ANK1: variants seen among roughly 807,000 people sequenced by gnomAD.
ANK1 encodes ankyrin-1.
Under a neutral mutation model 210.4 loss-of-function variants are expected in ANK1, and 51 were observed. The observed-to-expected ratio is 0.24, with a 90% CI of 0.19 to 0.31. ANK1 has a LOEUF of 0.31. Ranked by LOEUF, ANK1 falls within the 10% of genes least tolerant of loss-of-function variation. The pLI, the probability that ANK1 is intolerant of heterozygous loss-of-function variation, is 1.00. For synonymous variants in ANK1, 967 were observed against 1,025.9 expected (o/e 0.94, Z 1.10); for missense variants, 2,051 against 2,504.4 (o/e 0.82, Z 3.86).
chr8:41,800,364 C>A (rs569084961), upstream of ANK1, among the ~76,000 whole-genome samples: 2 of 152,280 alleles, frequency 1.3e-5, no homozygotes, highest in South Asian at 4.2e-4. Flanking sequence ...ATTAAGAGAG[C>A]TACTTAAGAA....
intron 1 of ANK1, among the ~76,000 whole-genome samples, chr8:41,846,251 G>A (rs1326339280): frequency 6.6e-6 from 1 of 152,242 alleles, no homozygotes. Context: ...GCACAGTCCA[G>A]GGTCCTGCCG....
chr8:41,788,984 C>T (rs909307242), intron 1 of ANK1: 1 of 152,276 alleles, frequency 6.6e-6, no homozygotes, highest in Non-Finnish European at 1.5e-5. Context: ...CCACACTTTT[C>T]ATGAGGCTTT....
At chr8:41,700,408 A>G in intron 22 of ANK1, 1 of 1,611,424 alleles carries the variant, frequency 6.2e-7, no homozygotes, top group Non-Finnish European at 8.5e-7. Flanking sequence ...AAAAGACCAC[A>G]GTAAACAGAA....
intron 1 of ANK1, among the ~76,000 whole-genome samples, chr8:41,794,159 A>G (rs1848288351): frequency 6.6e-6 from 1 of 152,218 alleles, no homozygotes; most frequent in South Asian, 2.1e-4. Flanking sequence ...TACAAATACT[A>G]TCTAATGCTT....
chr8:41,837,552 G>A (rs1230161657), intron 1 of ANK1, among the ~76,000 whole-genome samples: 2 of 152,198 alleles, frequency 1.3e-5, no homozygotes, highest in Non-Finnish European at 2.9e-5. Context: ...CATTTAGCCA[G>A]TCCATGCACA....
In ANK1 at chr8:41,696,690, G is replaced by C. The variant is rs1821081074; in HGVS notation, c.2721C>G (p.Ser907Arg). The change falls in exon 25 of 43, where the codon AGC (serine) becomes AGG (arginine). Residue 907 changes from serine (S) to arginine (R), a missense_variant. This residue lies in a region of ANK1 where 1,413 missense variants were observed against 1,707.4 expected (regional missense o/e 0.83). Transcript: ENST00000289734. ...CCGCCACTCACCCTGTATGCACCGG[G>C]CTGGCCACCGGGCTGATGTTGTCTG... ...ETSDNISPVA[S>R]PVHTGFLVSF... The C allele has an allele frequency of 1.2e-6, 2 of 1,603,690 alleles. No homozygotes were observed. Among genetic ancestry groups the C allele is most frequent in the Non-Finnish European group, 1.7e-6 (2 of 1,179,916 alleles).
chr8:41,817,138 T>C (rs975442363), intron 1 of ANK1, among the ~76,000 whole-genome samples: 6 of 152,158 alleles, frequency 3.9e-5, no homozygotes, highest in Non-Finnish European at 5.9e-5. Flanking sequence ...CCCTGAAGTT[T>C]GCACTTCAAG....
chr8:41,704,550 T>C lies in ANK1; in HGVS notation c.2098-78A>G, dbSNP rs1586271749. 2 of 1,303,634 alleles carry C rather than the reference T, an allele frequency of 1.5e-6. No homozygotes were observed. The highest frequency in any genetic ancestry group is 4.6e-5 in the East Asian group (2 of 43,234). 80.8% of individuals were successfully genotyped at this position (1,303,634 alleles called of 1,614,324 possible). ...ATGAAATCCTTCCCAAAGCAGCTGA[T>C]TCAAAGAGAGAACGGACAGGGAGCC... On this transcript the variant is annotated intron_variant, in intron 18 of 42. Coordinates refer to ENST00000289734, the MANE Select transcript of ANK1 (RefSeq NM_000037.4). The surrounding 1 kb of genome is among the most constrained non-coding windows in gnomAD (Gnocchi z 4.1).
chr8:41,658,939 C>T (rs932463675), intron 42 of ANK1, among the ~76,000 whole-genome samples: 1 of 143,370 alleles, frequency 7.0e-6, no homozygotes, highest in Non-Finnish European at 1.6e-5. Flanking sequence ...AATAAATAGT[C>T]GCTGTGAACA....
In ANK1 at chr8:41,690,142, G is replaced by A. The variant is rs2278621; in HGVS notation, c.4104+85C>T. On this transcript the variant is annotated intron_variant, in intron 33 of 42. Transcript: ENST00000289734. ...AGCTTCCACCAGGAAGAAGCCCCTTGGAAGTGCTGGACCTGGGGTCTGTTT... is the reference window on the plus strand; with the variant it reads ...AGCTTCCACCAGGAAGAAGCCCCTTAGAAGTGCTGGACCTGGGGTCTGTTT... The A allele has an allele frequency of 0.22, 350,964 of 1,590,684 alleles. 40,992 individuals carry two copies. The highest frequency in any genetic ancestry group is 0.35 in the Middle Eastern group (1,709 of 4,920).
chr8:41,661,540 G>C lies in ANK1; in HGVS notation c.5569C>G (p.Gln1857Glu). ...EEVELRGSGLQPDLIEGRKGA... is the reference protein window; with the variant it reads ...EEVELRGSGLEPDLIEGRKGA... ...TTCCTGCCCTCTATCAGGTCCGGCT[G>C]TAGGCCACTCCCTCTCAGCTCCACC... The change falls in exon 42 of 43, where the codon CAG becomes GAG. Residue 1857 changes from glutamine to glutamate, a missense_variant. Gln to Glu is a conservative substitution (Grantham distance 29, BLOSUM62 2). Around this residue, in one of 6 missense-constraint regions of ANK1, gnomAD observed 496 missense variants for 533.4 expected, o/e 0.93. Coordinates refer to ENST00000289734, the MANE Select transcript of ANK1 (RefSeq NM_000037.4). 6.2e-7 allele frequency: 1 copy of C among 1,614,042 alleles called. No individual in the cohort carries two copies. The highest frequency in any genetic ancestry group is 1.1e-5 in the South Asian group (1 of 91,080).
intron 1 of ANK1, among the ~76,000 whole-genome samples, chr8:41,886,181 G>GT (rs1190493921): frequency 1.3e-5 from 2 of 152,184 alleles, no homozygotes; most frequent in Non-Finnish European, 2.9e-5. Context: ...CCACCCCTAG[G>GT]TCCACAGCCT....
chr8:41,769,977 C>CTTTTTTTTTTTTTTTTTTTTTTTTTTTT (rs59542968), intron 1 of ANK1, among the ~76,000 whole-genome samples: 1 of 86,656 alleles, frequency 1.2e-5, no homozygotes, highest in Non-Finnish European at 2.1e-5. Context: ...TTTCTTTTTT[C>CTTTTTTTTTTTTTTTTTTTTTTTTTTTT]TTTTTTTTTT....
chr8:41,686,423 G>A, intron 35 of ANK1, 140 bp from the exon 36 acceptor site: 2 of 1,047,630 alleles, frequency 1.9e-6, no homozygotes, highest in Non-Finnish European at 2.9e-6. Context: ...GCCTCCCTGT[G>A]GGTTTGGTCT....
chr8:41,824,379 G>A (rs1804991543), intron 1 of ANK1, among the ~76,000 whole-genome samples: 2 of 152,180 alleles, frequency 1.3e-5, no homozygotes. Flanking sequence ...GTTGTGCCAT[G>A]AGTAATCATA....
At chr8:41,671,789 T>C (rs1169201098) in intron 38 of ANK1, among the ~76,000 whole-genome samples, 16 of 135,792 alleles carry the variant, frequency 1.2e-4, no homozygotes, top group Admixed American at 1.0e-3. Flanking sequence ...TGCCCTAATG[T>C]CCCTAAGTGA....
At chr8:41,875,959 C>G (rs2150828103) in intron 1 of ANK1, among the ~76,000 whole-genome samples, 1 of 152,102 alleles carries the variant, frequency 6.6e-6, no homozygotes, top group Admixed American at 6.5e-5. Flanking sequence ...CGCCCGGGCG[C>G]ACACTCGCAC....
At chr8:41,820,045 C>A (rs1803954573) in intron 1 of ANK1, among the ~76,000 whole-genome samples, 2 of 152,180 alleles carry the variant, frequency 1.3e-5, no homozygotes, top group Admixed American at 6.5e-5. Context: ...GGCAGGAAAA[C>A]AATGACCATC....
Position 41,694,314 on chromosome 8 carries a change from A to G in ANK1, c.3328-212T>C, listed in dbSNP as rs1820200286. 6.6e-6 allele frequency among the ~76,000 whole-genome samples: 1 copy of G among 152,282 alleles called. No individual in the cohort carries two copies. Among genetic ancestry groups the G allele is most frequent in the Middle Eastern group, 3.4e-3 (1 of 294 alleles). ...CTCCCAGGGCTGGTGCATCTTTGCTAGCACCACAGTCAACTCCCGGAGGTC... is the reference window on the plus strand; with the variant it reads ...CTCCCAGGGCTGGTGCATCTTTGCTGGCACCACAGTCAACTCCCGGAGGTC... On this transcript the variant is annotated intron_variant, in intron 28 of 42. Coordinates refer to ENST00000289734, the MANE Select transcript of ANK1 (RefSeq NM_000037.4). This position sits in a 1 kb window ranked among gnomAD's most constrained non-coding sequence, Gnocchi z 5.7.
Sources: allele counts gnomAD v4.1 joint callset (sites outside exome capture counted in the v4.1 genomes callset), GRCh38; gene constraint gnomAD v4.1.1; regional missense constraint gnomAD v4.1.1; non-coding constraint Gnocchi (gnomAD v3.1); transcripts MANE v1.5; gene names NCBI Gene and HGNC (gene_info 2026-07-23, HGNC 2026-07-21).